The following MARK2 variants were observed in gnomAD, a reference collection of about 807,000 sequenced individuals.
The protein encoded by MARK2 is serine/threonine-protein kinase MARK2.
A neutral mutation model predicts 89.8 loss-of-function variants in MARK2; 16 were observed. The observed-to-expected ratio is 0.18, with a 90% CI of 0.12 to 0.27. The LOEUF (loss-of-function observed/expected upper bound fraction) is 0.27. Among genes scored for constraint, MARK2 ranks in the 10% least tolerant of loss-of-function variants. The pLI, the probability that MARK2 is intolerant of heterozygous loss-of-function variation, is 1.00. For missense variants in MARK2, 621 were observed against 1,049.9 expected (o/e 0.59, Z 5.65); for synonymous variants, 382 against 399.5 (o/e 0.96, Z 0.52).
At chr11:63,841,705 G>A (rs1490880853) in intron 1 of MARK2, among the ~76,000 whole-genome samples, 2 of 152,224 alleles carry the variant, frequency 1.3e-5, no homozygotes, top group Admixed American at 6.5e-5. Flanking sequence ...GAGTGGCGAT[G>A]GAGTGCCTAC....
chr11:63,873,953 T>C (rs191920976), intron 1 of MARK2, among the ~76,000 whole-genome samples: 1 of 152,312 alleles, frequency 6.6e-6, no homozygotes, highest in Non-Finnish European at 1.5e-5. Flanking sequence ...AGCCTGAAGA[T>C]TGGTTATTTA....
In MARK2 at chr11:63,902,778, C is replaced by T; in HGVS notation, c.1412C>T (p.Ser471Phe). The change falls in exon 13 of 19, where the codon TCC (serine) becomes TTC (phenylalanine). Residue 471 changes from serine to phenylalanine, a missense_variant. Around this residue, in one of 5 missense-constraint regions of MARK2, gnomAD observed 397 missense variants for 567.8 expected, o/e 0.70. Coordinates refer to ENST00000402010, the MANE Select transcript of MARK2 (RefSeq NM_001039469.3). This position sits in a 1 kb window ranked among gnomAD's most constrained non-coding sequence, Gnocchi z 4.2. ...LERKKTTPTP[S>F]TNSVLSTSTN... ...AGGAAGAAGACCACCCCAACCCCCT[C>T]CACGGTGAGCCGCACCCCCCGCTCT... The T allele has an allele frequency of 6.2e-7, 1 of 1,609,604 alleles. No individual in the cohort carries two copies. Among genetic ancestry groups the T allele is most frequent in the Non-Finnish European group, 8.5e-7 (1 of 1,177,346 alleles).
At position 63,900,466 on chromosome 11, in the gene MARK2, T is replaced by C; in HGVS notation, c.769-93T>C. On this transcript the variant is annotated intron_variant, in intron 8 of 18. Transcript: ENST00000402010. The surrounding 1 kb of genome is among the most constrained non-coding windows in gnomAD (Gnocchi z 4.7). ...CTTCCATATTTCATTTATGTCTGCT[T>C]TGCCAGGCTTAAGCTCTCAGGATCT... 7.6e-6 allele frequency: 11 copies of C among 1,439,778 alleles called. No homozygotes were observed. The highest frequency in any genetic ancestry group is 9.5e-6 in the Non-Finnish European group (10 of 1,050,202). 89.2% of individuals were successfully genotyped at this position (1,439,778 alleles called of 1,614,324 possible).
chr11:63,875,919 A>G (rs1938724752), intron 1 of MARK2, among the ~76,000 whole-genome samples: 5 of 152,336 alleles, frequency 3.3e-5, no homozygotes, highest in African/African-American at 1.2e-4. Flanking sequence ...GGCAGCGCCC[A>G]GCTTCAGTAA....
At chr11:63,884,318 G>T (rs1228085939) in intron 1 of MARK2, among the ~76,000 whole-genome samples, 1 of 152,242 alleles carries the variant, frequency 6.6e-6, no homozygotes, top group Admixed American at 6.5e-5. Context: ...TTTGGAGAGT[G>T]CTCTTTGCAT....
intron 1 of MARK2, among the ~76,000 whole-genome samples, chr11:63,861,143 CT>C (rs1193345267): frequency 6.6e-6 from 1 of 152,074 alleles, no homozygotes; most frequent in Non-Finnish European, 1.5e-5. Flanking sequence ...AGATAAGGAA[CT>C]TTAATTTCGG....
chr11:63,890,640 G>A (rs1321752062), intron 1 of MARK2, among the ~76,000 whole-genome samples: 14 of 152,204 alleles, frequency 9.2e-5, no homozygotes, highest in Non-Finnish European at 5.9e-5. Flanking sequence ...GGAAAGGCCC[G>A]TAGCATCTCT....
In MARK2 at chr11:63,900,797, A is replaced by G. The variant is rs750296719; in HGVS notation, c.906A>G (p.Arg302=). The G allele has an allele frequency of 1.2e-6, 2 of 1,614,054 alleles. No homozygotes were observed. Among genetic ancestry groups the G allele is most frequent in the South Asian group, 1.1e-5 (1 of 91,064 alleles). Reference sequence around the variant, plus strand: ...CTCCCCAGCAAATCATGAAAGATCGATGGATGAATGTGGGTCACGAAGATG... The same window carrying G: ...CTCCCCAGCAAATCATGAAAGATCGGTGGATGAATGTGGGTCACGAAGATG... ...RGTLEQIMKD[R]WMNVGHEDDE... is the part of the protein sequence containing the mutation. Residue 302 remains arginine, a synonymous_variant, in exon 10 of 19, where the codon CGA becomes CGG. Transcript: ENST00000402010. This position sits in a 1 kb window ranked among gnomAD's most constrained non-coding sequence, Gnocchi z 4.7.
chr11:63,895,729 G>A (rs1446366144), intron 3 of MARK2, 96 bp downstream of exon 3: 2 of 1,104,190 alleles, frequency 1.8e-6, no homozygotes, highest in African/African-American at 3.5e-5. Context: ...GAGTGCAATG[G>A]TGTGATCTCG....
intron 1 of MARK2, among the ~76,000 whole-genome samples, chr11:63,876,846 G>A (rs1279982841): frequency 6.6e-6 from 1 of 152,094 alleles, no homozygotes; most frequent in Non-Finnish European, 1.5e-5. Context: ...GCCCAAAAGC[G>A]GCCCCCTTCC....
chr11:63,870,478 G>A (rs897161643), intron 1 of MARK2, among the ~76,000 whole-genome samples: 6 of 152,166 alleles, frequency 3.9e-5, no homozygotes, highest in African/African-American at 9.7e-5. Flanking sequence ...GAGTCACTCC[G>A]AGAAAAGCGA....
Position 63,875,009 on chromosome 11 carries a change from G to A in MARK2, c.55-20150G>A, listed in dbSNP as rs781649611. On this transcript the variant is annotated intron_variant, in intron 1 of 18. Coordinates refer to ENST00000402010, the MANE Select transcript of MARK2 (RefSeq NM_001039469.3). ...TCTGTCGCCCAGGCTGGAGTGCAGT[G>A]GTCTAATCAAGGCTCACTGCAGCCT... 9.9e-5 allele frequency among the ~76,000 whole-genome samples: 15 copies of A among 152,036 alleles called. No homozygotes were observed. In the East Asian group the frequency reaches 1.9e-3, roughly 20 times the overall value.
At chr11:63,873,880 C>G (rs1355263840) in intron 1 of MARK2, among the ~76,000 whole-genome samples, 4 of 152,236 alleles carry the variant, frequency 2.6e-5, no homozygotes, top group Admixed American at 6.5e-5. Context: ...CTCCCGAACT[C>G]AGGTGATCCG....
Position 63,839,535 on chromosome 11 carries a change from C to T in MARK2, c.29C>T (p.Thr10Met). 6.5e-7 allele frequency: 1 copy of T among 1,538,748 alleles called. No individual in the cohort carries two copies. Among genetic ancestry groups the T allele is most frequent in the South Asian group, 1.2e-5 (1 of 83,032 alleles). MSSARTPLP[T>M]LNERDTEQPT... ...TCCAGCGCTCGGACCCCCCTACCCA[C>T]GCTGAACGAGAGGGACACGGAGCAG... The change falls in exon 1 of 19, where the codon ACG becomes ATG. Residue 10 changes from threonine to methionine, a missense_variant. Physicochemically the swap from Thr to Met is moderately conservative, Grantham distance 81. Coordinates refer to ENST00000402010, the MANE Select transcript of MARK2 (RefSeq NM_001039469.3).
chr11:63,892,428 C>G (rs1939941410), intron 1 of MARK2, among the ~76,000 whole-genome samples: 1 of 152,118 alleles, frequency 6.6e-6, no homozygotes, highest in Non-Finnish European at 1.5e-5. Flanking sequence ...AGCTTCTTGT[C>G]TAGGAATGCT....
chr11:63,872,275 G>T (rs1426113676), intron 1 of MARK2, among the ~76,000 whole-genome samples: 1 of 152,126 alleles, frequency 6.6e-6, no homozygotes, highest in Non-Finnish European at 1.5e-5. Context: ...CTTTGCCCTT[G>T]GCCACAGACT....
At chr11:63,892,250 C>A (rs1284647632) in intron 1 of MARK2, among the ~76,000 whole-genome samples, 1 of 152,194 alleles carries the variant, frequency 6.6e-6, no homozygotes, top group Non-Finnish European at 1.5e-5. Context: ...AAGGTCCAAC[C>A]CCATGTGTTT....
chr11:63,842,368 C>G (rs776449429), intron 1 of MARK2, among the ~76,000 whole-genome samples: 2 of 152,108 alleles, frequency 1.3e-5, no homozygotes, highest in African/African-American at 4.8e-5. Flanking sequence ...AGGCACACAC[C>G]GCCACGCCCG....
chr11:63,884,251 T>C (rs911387159), intron 1 of MARK2, among the ~76,000 whole-genome samples: 4 of 152,208 alleles, frequency 2.6e-5, no homozygotes, highest in Non-Finnish European at 5.9e-5. Context: ...GGTTGCTCAG[T>C]AGAATCTAGT....
Sources: gnomAD v4.1 joint callset for allele counts (sites outside exome capture counted in the v4.1 genomes callset) on GRCh38, gnomAD v4.1.1 for gene constraint, gnomAD v4.1.1 regional missense constraint, Gnocchi (gnomAD v3.1) non-coding constraint, MANE v1.5 for transcripts, NCBI Gene and HGNC (gene_info 2026-07-23, HGNC 2026-07-21) for gene names.